RORA: variants seen among roughly 807,000 people sequenced by gnomAD.
RORA encodes the protein nuclear receptor ROR-alpha.
Under a neutral mutation model 69.5 loss-of-function variants are expected in RORA, and 7 were observed. The ratio of observed to expected loss-of-function variants is 0.10; its 90% CI spans 0.06 to 0.19. The LOEUF (loss-of-function observed/expected upper bound fraction) is 0.19, where lower values mean the gene tolerates loss of function less well. Ranked by LOEUF, RORA falls within the 10% of genes least tolerant of loss-of-function variation. The pLI, the probability that RORA is intolerant of heterozygous loss-of-function variation, is 1.00. For missense variants in RORA, 457 were observed against 663.0 expected (o/e 0.69, Z 3.41); for synonymous variants, 261 against 240.8 (o/e 1.08, Z -0.78).
At position 60,525,918 on chromosome 15, in the gene RORA, A is replaced by G. The variant is rs190134894; in HGVS notation, c.282+5848T>C. On this transcript the variant is annotated intron_variant, in intron 3 of 10. Transcript: ENST00000335670. ...GATCAGTGTGGGCCAAAAGTTAATT[A>G]TCTGGCTAGAGGGGGAAAAAGAGGA... 2.7e-4 allele frequency among the ~76,000 whole-genome samples: 41 copies of G among 152,254 alleles called. No individual in the cohort carries two copies. In the East Asian group the frequency reaches 7.2e-3, roughly 27 times the overall value.
At chr15:60,650,840 C>A (rs2070132159) in intron 2 of RORA, 1 of 152,166 alleles carries the variant, frequency 6.6e-6, no homozygotes, top group South Asian at 2.1e-4. Flanking sequence ...ATTCTTCGTG[C>A]CATTTATCCT....
At chr15:60,645,488 T>A (rs1302739506) in intron 2 of RORA, among the ~76,000 whole-genome samples, 1 of 148,830 alleles carries the variant, frequency 6.7e-6, no homozygotes, top group Non-Finnish European at 1.5e-5. Flanking sequence ...GCCTCCTGGG[T>A]TCAAGCAATT....
chr15:60,789,985 T>C, intron 1 of RORA, among the ~76,000 whole-genome samples: 1 of 152,246 alleles, frequency 6.6e-6, no homozygotes, highest in Non-Finnish European at 1.5e-5. Context: ...CTATAGATGA[T>C]ACAACCGATA....
intron 1 of RORA, among the ~76,000 whole-genome samples, chr15:60,989,512 A>G (rs1894307450): frequency 6.6e-6 from 1 of 152,188 alleles, no homozygotes; most frequent in African/African-American, 2.4e-5. Context: ...TATTATGAAT[A>G]ATGCTGCTCT....
chr15:60,514,849 T>C, intron 3 of RORA, 92 bp from the exon 4 acceptor site: 1 of 893,706 alleles, frequency 1.1e-6, no homozygotes, highest in Non-Finnish European at 1.7e-6. Context: ...GTGGCATTAA[T>C]ATTTAATGGA....
intron 2 of RORA, chr15:60,627,429 G>C (rs1596076750): frequency 6.2e-7 from 1 of 1,609,644 alleles, no homozygotes. Flanking sequence ...CTTTGCCCCA[G>C]TGTACTATGG....
intron 1 of RORA, among the ~76,000 whole-genome samples, chr15:60,986,991 C>T (rs542784545): frequency 6.6e-6 from 1 of 152,320 alleles, no homozygotes; most frequent in African/African-American, 2.4e-5. Flanking sequence ...GTCCTCCACT[C>T]AAAGCACTTT....
chr15:60,773,137 G>A (rs375272320), intron 1 of RORA, among the ~76,000 whole-genome samples: 51 of 152,176 alleles, frequency 3.4e-4, no homozygotes, highest in African/African-American at 1.2e-3. Context: ...GCACCTGAAG[G>A]TTGTGAGGAT....
intron 1 of RORA, among the ~76,000 whole-genome samples, chr15:60,844,858 A>C (rs569372310): frequency 7.2e-5 from 11 of 152,352 alleles, no homozygotes; most frequent in African/African-American, 1.7e-4. Context: ...AAGGAGATGA[A>C]CTATCTGCTC....
chr15:60,829,170 T>C (rs1165461317), intron 1 of RORA, among the ~76,000 whole-genome samples: 4 of 152,152 alleles, frequency 2.6e-5, no homozygotes, highest in Non-Finnish European at 5.9e-5. Flanking sequence ...CCTGGACTGC[T>C]GCCAGCCTGG....
At chr15:61,168,057 G>C (rs112748591) in intron 1 of RORA, among the ~76,000 whole-genome samples, 15 of 152,066 alleles carry the variant, frequency 9.9e-5, no homozygotes, top group African/African-American at 3.6e-4. Context: ...AGTTCTACTA[G>C]TATTTAGGAA....
At chr15:61,155,986 C>T (rs1381712877) in intron 1 of RORA, among the ~76,000 whole-genome samples, 1 of 152,162 alleles carries the variant, frequency 6.6e-6, no homozygotes, top group Non-Finnish European at 1.5e-5. Flanking sequence ...CGTCTCAGAA[C>T]CCAACAGGCT....
chr15:60,696,039 T>C (rs2070899596), intron 1 of RORA, among the ~76,000 whole-genome samples: 1 of 152,160 alleles, frequency 6.6e-6, no homozygotes, highest in South Asian at 2.1e-4. Flanking sequence ...TTATTATATA[T>C]TATGCTGAAA....
At chr15:60,971,040 ACTTT>A (rs1893698349) in intron 1 of RORA, among the ~76,000 whole-genome samples, 1 of 152,192 alleles carries the variant, frequency 6.6e-6, no homozygotes, top group African/African-American at 2.4e-5. Flanking sequence ...ACAGAGAAGT[ACTTT>A]CTTTGTTTTT....
At chr15:60,673,465 T>A (rs924601577) in intron 2 of RORA, among the ~76,000 whole-genome samples, 7 of 152,358 alleles carry the variant, frequency 4.6e-5, no homozygotes, top group Admixed American at 3.3e-4. Flanking sequence ...ACTGGCTGAT[T>A]TGAAGAAACT....
chr15:60,926,263 C>G (rs1206227672), intron 1 of RORA, among the ~76,000 whole-genome samples: 3 of 152,188 alleles, frequency 2.0e-5, no homozygotes, highest in Non-Finnish European at 4.4e-5. Context: ...GAACCTGGAG[C>G]ATAACCTGGA....
At position 61,060,398 on chromosome 15, in the gene RORA, G is replaced by T. The variant is rs187712388; in HGVS notation, c.166+168655C>A. Among the ~76,000 whole-genome samples the T allele has an allele frequency of 1.2e-4, 18 of 152,292 alleles. 1 individual carries two copies. Among genetic ancestry groups the T allele is most frequent in the Admixed American group, 6.5e-4 (10 of 15,300 alleles). ...TTGCAGGAACCCTTCTTCCAGGCCT[G>T]GTTTCAGGTGGCTGTCATGACAGCA... On this transcript the variant is annotated intron_variant, in intron 1 of 10. Coordinates refer to ENST00000335670, the MANE Select transcript of RORA (RefSeq NM_134261.3).
intron 1 of RORA, among the ~76,000 whole-genome samples, chr15:61,077,031 T>C (rs1189681743): frequency 6.6e-6 from 1 of 151,888 alleles, no homozygotes; most frequent in Non-Finnish European, 1.5e-5. Flanking sequence ...AGGGAAACAC[T>C]AAAACCGATT....
intron 3 of RORA, among the ~76,000 whole-genome samples, chr15:60,515,069 G>C (rs1221578634): frequency 6.6e-6 from 1 of 152,176 alleles, no homozygotes; most frequent in Non-Finnish European, 1.5e-5. Context: ...CAATGTGCCT[G>C]ATGGAATGAT....
Sources: allele counts gnomAD v4.1 joint callset (sites outside exome capture counted in the v4.1 genomes callset), GRCh38; gene constraint gnomAD v4.1.1; transcripts MANE v1.5; gene names NCBI Gene and HGNC (gene_info 2026-07-23, HGNC 2026-07-21).